ENTREP2: variants seen among roughly 807,000 people sequenced by gnomAD.
ENTREP2 encodes endosomal transmembrane epsin interactor 2.
chr15:29,209,178 G>A, the ENTREP2 span, among the ~76,000 whole-genome samples: 2 of 152,148 alleles, frequency 1.3e-5, no homozygotes, highest in Non-Finnish European at 2.9e-5. Context: ...GGCTATGTCT[G>A]AGCTAACACA....
the ENTREP2 span, among the ~76,000 whole-genome samples, chr15:29,403,904 G>A: frequency 6.6e-6 from 1 of 152,162 alleles, no homozygotes; most frequent in Non-Finnish European, 1.5e-5. Context: ...CCCCAGCCTG[G>A]GAGCTGTGCT....
chr15:29,573,261 C>T, the ENTREP2 span, among the ~76,000 whole-genome samples: 1 of 152,080 alleles, frequency 6.6e-6, no homozygotes, highest in Non-Finnish European at 1.5e-5. Context: ...TCGTTTGCAT[C>T]CAAAGGGAGA....
the ENTREP2 span, among the ~76,000 whole-genome samples, chr15:29,184,499 A>G: frequency 6.6e-6 from 1 of 152,194 alleles, no homozygotes. Flanking sequence ...CTGGCATTAA[A>G]GATGGAAATC....
At chr15:29,241,858 C>G in the ENTREP2 span, among the ~76,000 whole-genome samples, 2 of 56,634 alleles carry the variant, frequency 3.5e-5, no homozygotes, top group Admixed American at 3.6e-4. Flanking sequence ...TACAGTGAGA[C>G]CCCCCCCCAC....
the ENTREP2 span, among the ~76,000 whole-genome samples, chr15:29,633,466 G>T: frequency 6.6e-6 from 1 of 151,758 alleles, no homozygotes; most frequent in Non-Finnish European, 1.5e-5. Context: ...GTTGGGGGGG[G>T]CGGGCATTGA....
chr15:29,629,389 T>C, the ENTREP2 span, among the ~76,000 whole-genome samples: 1 of 152,214 alleles, frequency 6.6e-6, no homozygotes, highest in Non-Finnish European at 1.5e-5. Context: ...GTGTACCTCT[T>C]CTTGATTTCT....
chr15:29,207,061 A>C, the ENTREP2 span, among the ~76,000 whole-genome samples: 2 of 152,268 alleles, frequency 1.3e-5, no homozygotes, highest in Admixed American at 6.5e-5. Context: ...GCTACTCGCC[A>C]AGCAGCTCCT....
the ENTREP2 span, among the ~76,000 whole-genome samples, chr15:29,624,323 A>T: frequency 3.3e-5 from 5 of 151,184 alleles, no homozygotes; most frequent in Middle Eastern, 3.4e-3. Flanking sequence ...ACGCGCACAC[A>T]TGCACGTGCG....
chr15:29,375,396 T>G, the ENTREP2 span: 1 of 152,380 alleles, frequency 6.6e-6, no homozygotes, highest in African/African-American at 2.4e-5. Context: ...TCTCCAAATC[T>G]CCAGAACCCT....
the ENTREP2 span, among the ~76,000 whole-genome samples, chr15:29,292,032 T>C: frequency 2.6e-5 from 4 of 152,228 alleles, no homozygotes; most frequent in African/African-American, 7.2e-5. Flanking sequence ...TCTCATGATC[T>C]GATTTTCTAC....
At chr15:29,251,786 T>C in the ENTREP2 span, among the ~76,000 whole-genome samples, 2 of 150,670 alleles carry the variant, frequency 1.3e-5, no homozygotes. Flanking sequence ...ATCGCTAGTT[T>C]TAGTGTATTT....
the ENTREP2 span, among the ~76,000 whole-genome samples, chr15:29,535,774 T>C: frequency 6.6e-6 from 1 of 151,894 alleles, no homozygotes; most frequent in Non-Finnish European, 1.5e-5. Context: ...TCTCACTCTA[T>C]CGGCCAGGCT....
At chr15:29,669,685 C>G in the ENTREP2 span, among the ~76,000 whole-genome samples, 1 of 152,208 alleles carries the variant, frequency 6.6e-6, no homozygotes. Context: ...TCCACCACCC[C>G]ATTCATTGGA....
the ENTREP2 span, among the ~76,000 whole-genome samples, chr15:29,478,008 TATATATATA>T: frequency 5.9e-4 from 46 of 77,712 alleles, no homozygotes; most frequent in African/African-American, 1.6e-3. Context: ...TATATATATA[TATATATATA>T]TATTTTTTTT....
chr15:29,621,683 T>C, the ENTREP2 span, among the ~76,000 whole-genome samples: 18 of 148,224 alleles, frequency 1.2e-4, no homozygotes, highest in African/African-American at 4.5e-4. Flanking sequence ...TGTAAAATAG[T>C]GCAGGCACTA....
the ENTREP2 span, among the ~76,000 whole-genome samples, chr15:29,195,737 C>T: frequency 2.6e-5 from 4 of 152,060 alleles, no homozygotes; most frequent in Non-Finnish European, 5.9e-5. Flanking sequence ...GTTGGCCAGA[C>T]TGGTCTCGAA....
the ENTREP2 span, among the ~76,000 whole-genome samples, chr15:29,316,732 G>T: frequency 6.6e-6 from 1 of 152,144 alleles, no homozygotes; most frequent in East Asian, 1.9e-4. Flanking sequence ...CAATGTAAAT[G>T]TCGAAAAATA....
At chr15:29,467,398 T>A in the ENTREP2 span, among the ~76,000 whole-genome samples, 1 of 152,138 alleles carries the variant, frequency 6.6e-6, no homozygotes, top group African/African-American at 2.4e-5. Context: ...CAGGGATGAA[T>A]AAAGGCAGAA....
the ENTREP2 span, among the ~76,000 whole-genome samples, chr15:29,470,663 G>A: frequency 9.9e-4 from 150 of 152,264 alleles, no homozygotes; most frequent in African/African-American, 1.3e-3. Flanking sequence ...AAGGTGATGC[G>A]TGTGACTCTT....
Sources: allele counts gnomAD v4.1 joint callset (sites outside exome capture counted in the v4.1 genomes callset), GRCh38; gene constraint gnomAD v4.1.1; transcripts MANE v1.5; gene names NCBI Gene and HGNC (gene_info 2026-07-23, HGNC 2026-07-21).